XYLT1: variants seen among roughly 807,000 people sequenced by gnomAD.
XYLT1 encodes beta-D-xylosyltransferase 1.
Under a neutral mutation model 91.3 loss-of-function variants are expected in XYLT1, and 36 were observed. The ratio of observed to expected loss-of-function variants is 0.39; its 90% confidence interval spans 0.30 to 0.52. The LOEUF is 0.52. Among genes scored for constraint, XYLT1 ranks in the 20% least tolerant of loss-of-function variants. The pLI is 0.68. For missense variants in XYLT1, 1,242 were observed against 1,284.5 expected (o/e 0.97, Z 0.51); for synonymous variants, 588 against 532.0 (o/e 1.11, Z -1.45).
chr16:17,167,603 C>G (rs112349528), intron 5 of XYLT1, among the ~76,000 whole-genome samples: 6 of 87,610 alleles, frequency 6.8e-5, no homozygotes, highest in East Asian at 7.3e-4. Context: ...ATCTCGTGAA[C>G]GGATTCTAAC....
chr16:17,350,351 T>C (rs1000414714), intron 2 of XYLT1, among the ~76,000 whole-genome samples: 1 of 152,206 alleles, frequency 6.6e-6, no homozygotes, highest in Non-Finnish European at 1.5e-5. Flanking sequence ...GAATGTTGTA[T>C]CACATCATTC....
At chr16:17,353,179 G>C (rs1431924870) in intron 2 of XYLT1, among the ~76,000 whole-genome samples, 1 of 152,156 alleles carries the variant, frequency 6.6e-6, no homozygotes, top group African/African-American at 2.4e-5. Context: ...GTCCTGAGGG[G>C]GATCTCAGCA....
intron 1 of XYLT1, among the ~76,000 whole-genome samples, chr16:17,433,022 C>T (rs533028758): frequency 6.6e-5 from 10 of 152,222 alleles, no homozygotes; most frequent in Non-Finnish European, 1.2e-4. Flanking sequence ...CCAACCCAAT[C>T]CCAGCCCAGG....
At chr16:17,145,921 G>A (rs923861777) in intron 6 of XYLT1, among the ~76,000 whole-genome samples, 8 of 152,166 alleles carry the variant, frequency 5.3e-5, no homozygotes, top group Admixed American at 3.3e-4. Context: ...CTGTCTCCTC[G>A]CAGGTAGCCT....
chr16:17,134,955 A>ACTTAGTAAGCATCATTT (rs971663787), intron 8 of XYLT1, among the ~76,000 whole-genome samples: 3 of 152,352 alleles, frequency 2.0e-5, no homozygotes, highest in South Asian at 2.1e-4. Flanking sequence ...AATGATAGGC[A>ACTTAGTAAGCATCATTT]CTTAGTAAGC....
intron 1 of XYLT1, among the ~76,000 whole-genome samples, chr16:17,410,427 A>G (rs9938803): frequency 0.073 from 11,075 of 152,188 alleles, 604 homozygotes; most frequent in African/African-American, 0.14. Flanking sequence ...ATGGCAGCAG[A>G]CAAGGGAAGA....
At chr16:17,428,598 C>CA (rs1191222703) in intron 1 of XYLT1, among the ~76,000 whole-genome samples, 1 of 152,094 alleles carries the variant, frequency 6.6e-6, no homozygotes, top group African/African-American at 2.4e-5. Context: ...TTGGTCTCTC[C>CA]AAAAGTGCTA....
Position 17,122,359 on chromosome 16 carries a change from AT to A in XYLT1, c.2224-4381del, listed in dbSNP as rs1304774422. On this transcript the variant is annotated intron_variant, in intron 10 of 11. Transcript: ENST00000261381. ...TTCCTGATCGTTAGTGATGTTGAGC[AT>A]TTTTTCATATGTTCGTTGGCCATTT... is the stretch of plus-strand genomic sequence containing the variant. Among the ~76,000 whole-genome samples the A allele has an allele frequency of 3.3e-5, 5 of 152,086 alleles. No individual in the cohort carries two copies. In the South Asian group the frequency reaches 1.0e-3, roughly 32 times the overall value.
At chr16:17,126,520 A>G (rs1423692340) in intron 10 of XYLT1, among the ~76,000 whole-genome samples, 1 of 152,196 alleles carries the variant, frequency 6.6e-6, no homozygotes, top group African/African-American at 2.4e-5. Context: ...CCTGTTTGTC[A>G]TGGGGATACA....
At chr16:17,338,977 G>A (rs1329367738) in intron 2 of XYLT1, among the ~76,000 whole-genome samples, 1 of 152,184 alleles carries the variant, frequency 6.6e-6, no homozygotes, top group African/African-American at 2.4e-5. Flanking sequence ...ACTCCGCAAG[G>A]GAGAAACATC....
intron 1 of XYLT1, among the ~76,000 whole-genome samples, chr16:17,462,331 T>C (rs2036834473): frequency 6.6e-6 from 1 of 152,208 alleles, no homozygotes; most frequent in Non-Finnish European, 1.5e-5. Context: ...CTTCCTCATC[T>C]GGCAGGGTGT....
Position 17,108,809 on chromosome 16 carries a change from C to T in XYLT1, c.2766G>A (p.Thr922=), listed in dbSNP as rs371058087. 6.2e-6 allele frequency: 10 copies of T among 1,612,218 alleles called. No homozygotes were observed. Among genetic ancestry groups the T allele is most frequent in the East Asian group, 2.2e-5 (1 of 44,876 alleles). ...GCATGACCGGGCAGGCTGTGGGGCC[C>T]GTGGCACAGATGTCCATGGCAGTCC... ...GMWTAMDICA[T]GPTACPVMQT... The change falls in exon 12 of 12, where the codon ACG becomes ACA. Residue 922 remains threonine (T), a synonymous_variant. Coordinates refer to ENST00000261381, the MANE Select transcript of XYLT1 (RefSeq NM_022166.4).
At chr16:17,244,957 TAATATA>T (rs1266607991) in intron 3 of XYLT1, among the ~76,000 whole-genome samples, 1 of 152,206 alleles carries the variant, frequency 6.6e-6, no homozygotes, top group East Asian at 1.9e-4. Context: ...CAGATACTAT[TAATATA>T]TTTTTTACAA....
chr16:17,229,039 G>A (rs1317724998), intron 3 of XYLT1, among the ~76,000 whole-genome samples: 1 of 151,978 alleles, frequency 6.6e-6, no homozygotes, highest in African/African-American at 2.4e-5. Flanking sequence ...GCACAATCTC[G>A]GCTCACTGCA....
At chr16:17,391,265 T>C (rs2035816243) in intron 1 of XYLT1, among the ~76,000 whole-genome samples, 1 of 152,298 alleles carries the variant, frequency 6.6e-6, no homozygotes, top group South Asian at 2.1e-4. Context: ...TTTACATTTC[T>C]GACTATGATG....
At chr16:17,393,029 T>C (rs1487825050) in intron 1 of XYLT1, among the ~76,000 whole-genome samples, 2 of 152,136 alleles carry the variant, frequency 1.3e-5, no homozygotes, top group African/African-American at 4.8e-5. Context: ...CTCTTTTCTT[T>C]CCTTCCTCCT....
chr16:17,313,133 A>G (rs1226306258), intron 2 of XYLT1, among the ~76,000 whole-genome samples: 1 of 152,134 alleles, frequency 6.6e-6, no homozygotes, highest in Admixed American at 6.5e-5. Context: ...TGGTCTGGTG[A>G]TGTTCTCGGG....
At chr16:17,303,303 C>T (rs1441366386) in intron 2 of XYLT1, among the ~76,000 whole-genome samples, 2 of 152,184 alleles carry the variant, frequency 1.3e-5, no homozygotes, top group Non-Finnish European at 2.9e-5. Flanking sequence ...CACTCCCGTT[C>T]ATTTGCATAT....
intron 1 of XYLT1, among the ~76,000 whole-genome samples, chr16:17,396,272 T>C (rs753694019): frequency 6.6e-6 from 1 of 152,206 alleles, no homozygotes; most frequent in African/African-American, 2.4e-5. Context: ...AATACAGAGA[T>C]GACGTGAAAT....
Sources: allele counts gnomAD v4.1 joint callset (sites outside exome capture counted in the v4.1 genomes callset), GRCh38; gene constraint gnomAD v4.1.1; transcripts MANE v1.5; gene names NCBI Gene and HGNC (gene_info 2026-07-23, HGNC 2026-07-21).